GIGYF2: variants seen among roughly 807,000 people sequenced by gnomAD.
GIGYF2 encodes the protein GRB10-interacting GYF protein 2.
GIGYF2 carries 25 observed loss-of-function variants against 208.1 expected under a neutral mutation model. The ratio of observed to expected loss-of-function variants is 0.12; its 90% CI spans 0.09 to 0.17. The LOEUF is 0.17. Ranked by LOEUF, GIGYF2 falls within the 10% of genes least tolerant of loss-of-function variation. The pLI is 1.00. For missense variants in GIGYF2, 1,302 were observed against 1,579.4 expected (o/e 0.82, Z 2.98); for synonymous variants, 534 against 543.8 (o/e 0.98, Z 0.25).
intron 21 of GIGYF2, among the ~76,000 whole-genome samples, chr2:232,825,257 C>A (rs1163461257): frequency 2.0e-5 from 3 of 152,120 alleles, no homozygotes; most frequent in African/African-American, 7.2e-5. Flanking sequence ...GGTAGTGATT[C>A]CTCTGATGGA....
intron 13 of GIGYF2, among the ~76,000 whole-genome samples, chr2:232,795,680 T>C (rs2106368836): frequency 6.6e-6 from 1 of 152,256 alleles, no homozygotes; most frequent in Middle Eastern, 3.4e-3. Flanking sequence ...GGAGGATCGC[T>C]TGAACCCAGG....
intron 21 of GIGYF2, 72 bp downstream of exon 21, chr2:232,820,057 A>G (rs1012931409): frequency 1.3e-6 from 2 of 1,568,112 alleles, no homozygotes; most frequent in African/African-American, 2.7e-5. Context: ...ATATTAGGAC[A>G]TTAAGGTAGC....
chr2:232,773,587 C>G (rs1340250738), intron 8 of GIGYF2, among the ~76,000 whole-genome samples: 2 of 151,934 alleles, frequency 1.3e-5, no homozygotes, highest in African/African-American at 4.8e-5. Context: ...TAGTAGATGC[C>G]TTTCTTGCCC....
chr2:232,734,435 C>T (rs1013173744), intron 2 of GIGYF2: 8 of 152,172 alleles, frequency 5.3e-5, no homozygotes, highest in African/African-American at 1.9e-4. Context: ...TCTCCACCTC[C>T]TGGGCTCCAA....
intron 14 of GIGYF2, among the ~76,000 whole-genome samples, chr2:232,800,912 C>T (rs1700378263): frequency 6.6e-6 from 1 of 151,366 alleles, no homozygotes; most frequent in South Asian, 2.1e-4. Context: ...GAGCCTTGCT[C>T]TGTCACGCAG....
At chr2:232,771,477 C>T in intron 8 of GIGYF2, 1 of 719,408 alleles carries the variant, frequency 1.4e-6, no homozygotes, top group South Asian at 2.1e-5. Flanking sequence ...GGGAATGCTT[C>T]TCTAACCACA....
At chr2:232,748,135 A>G (rs35362030) in intron 4 of GIGYF2, among the ~76,000 whole-genome samples, 48,931 of 152,130 alleles carry the variant, frequency 0.32, 8,222 homozygotes, top group South Asian at 0.62. Flanking sequence ...ACCTTCGGCT[A>G]TATAAAATTT....
intron 28 of GIGYF2, among the ~76,000 whole-genome samples, chr2:232,851,522 C>A (rs781516652): frequency 6.6e-6 from 1 of 151,986 alleles, no homozygotes; most frequent in Non-Finnish European, 1.5e-5. Context: ...CGGGTTCAAG[C>A]GATTCTCTTG....
chr2:232,800,233 G>A (rs1700355533), intron 14 of GIGYF2, among the ~76,000 whole-genome samples: 1 of 151,706 alleles, frequency 6.6e-6, no homozygotes, highest in Non-Finnish European at 1.5e-5. Flanking sequence ...TTTGCCCTGT[G>A]TTTTCTTCTG....
At chr2:232,770,352 A>AAATCTTTGT (rs1699183945) in intron 8 of GIGYF2, among the ~76,000 whole-genome samples, 3 of 152,356 alleles carry the variant, frequency 2.0e-5, no homozygotes, top group African/African-American at 7.2e-5. Flanking sequence ...ACATATTTCC[A>AAATCTTTGT]GTGCATTTTG....
chr2:232,741,793 T>G (rs1697976437), intron 3 of GIGYF2, among the ~76,000 whole-genome samples: 1 of 152,094 alleles, frequency 6.6e-6, no homozygotes, highest in Non-Finnish European at 1.5e-5. Context: ...GCAGGCAGAG[T>G]AATCTTAAAA....
At chr2:232,803,448 A>G (rs775000965) in intron 14 of GIGYF2, among the ~76,000 whole-genome samples, 14 of 152,108 alleles carry the variant, frequency 9.2e-5, no homozygotes, top group Non-Finnish European at 1.8e-4. Context: ...GTGTGTGGAA[A>G]AATTTTATAG....
intron 15 of GIGYF2, among the ~76,000 whole-genome samples, chr2:232,809,242 C>T (rs1386939729): frequency 6.6e-6 from 1 of 152,194 alleles, no homozygotes; most frequent in Non-Finnish European, 1.5e-5. Context: ...CACGCCCGGC[C>T]TCTTTTTATA....
At chr2:232,724,829 A>G (rs1697125616) in intron 2 of GIGYF2, 1 of 152,200 alleles carries the variant, frequency 6.6e-6, no homozygotes, top group African/African-American at 2.4e-5. Context: ...TTGGGATTAC[A>G]GGCGTGAGCC....
Position 232,757,769 on chromosome 2 carries a change from A to AC in GIGYF2, c.379+1441dup, listed in dbSNP as rs1170361689. On this transcript the variant is annotated intron_variant, in intron 6 of 28. Coordinates refer to ENST00000373563, the MANE Select transcript of GIGYF2 (RefSeq NM_001103146.3). Reference sequence around the variant, plus strand: ...AAATACCAACCAATCTCTGAACAGCACCCCCCGCCCCCCGCCATTACTTAA... The same window carrying AC: ...AAATACCAACCAATCTCTGAACAGCACCCCCCCGCCCCCCGCCATTACTTAA... Among the ~76,000 whole-genome samples, 42 of 99,834 alleles carry AC rather than the reference A, an allele frequency of 4.2e-4. 1 individual carries two copies. The highest frequency in any genetic ancestry group is 1.1e-3 in the African/African-American group (29 of 25,588). The allele number at this position is 99,834 out of a possible 152,430, so 65.5% of individuals were successfully genotyped here.
At position 232,761,401 on chromosome 2, in the gene GIGYF2, A is replaced by G. The variant is rs759057745; in HGVS notation, c.497A>G (p.Asp166Gly). 6.2e-7 allele frequency: 1 copy of G among 1,602,724 alleles called. No homozygotes were observed. The highest frequency in any genetic ancestry group is 1.1e-5 in the South Asian group (1 of 90,850). Residue 166 changes from aspartate to glycine, a missense_variant, in exon 8 of 29, where the codon GAC becomes GGC. Coordinates refer to ENST00000373563, the MANE Select transcript of GIGYF2 (RefSeq NM_001103146.3). ...ACTTATTTTTTCTTTTCCAGGGGTG[A>G]CAGACGTTTTGAAAAACCAGGACGA... is the stretch of plus-strand genomic sequence containing the variant. ...HRSQSWEERGDRRFEKPGRKD... is the reference protein window; with the variant it reads ...HRSQSWEERGGRRFEKPGRKD...
chr2:232,834,832 AT>A (rs35589430), intron 22 of GIGYF2, among the ~76,000 whole-genome samples: 95,576 of 151,038 alleles, frequency 0.63, 30,523 homozygotes, highest in African/African-American at 0.68. Flanking sequence ...ACCTCTAGTG[AT>A]TTTTTTTTTA....
chr2:232,777,705 A>G (rs1012920887), intron 8 of GIGYF2, among the ~76,000 whole-genome samples: 2 of 149,484 alleles, frequency 1.3e-5, no homozygotes, highest in Non-Finnish European at 2.9e-5. Flanking sequence ...ACACAGCATT[A>G]GAAACACTGA....
At chr2:232,792,232 G>C (rs1301781875) in intron 12 of GIGYF2, among the ~76,000 whole-genome samples, 1 of 151,988 alleles carries the variant, frequency 6.6e-6, no homozygotes, top group Non-Finnish European at 1.5e-5. Flanking sequence ...CCTTTTCTCT[G>C]TTCTTGAAAC....
Sources: gnomAD v4.1 joint callset for allele counts (sites outside exome capture counted in the v4.1 genomes callset) on GRCh38, gnomAD v4.1.1 for gene constraint, MANE v1.5 for transcripts, NCBI Gene and HGNC (gene_info 2026-07-23, HGNC 2026-07-21) for gene names.